GALK2: variants seen among roughly 807,000 people sequenced by gnomAD.
GALK2 encodes the protein N-acetylgalactosamine kinase.
A neutral mutation model predicts 52.4 loss-of-function variants in GALK2; 36 were observed. The observed-to-expected ratio is 0.69, with a 90% CI of 0.53 to 0.91. The LOEUF is 0.91. Ranked by LOEUF, GALK2 falls within the 40% of genes least tolerant of loss-of-function variation. The pLI is 0.00. For synonymous variants in GALK2, 176 were observed against 199.1 expected, an observed-to-expected ratio of 0.88 and a Z score of 0.98; for missense variants, 579 against 559.1, an observed-to-expected ratio of 1.04 and a Z score of -0.36.
intron 3 of GALK2, among the ~76,000 whole-genome samples, chr15:49,350,781 C>G (rs1014114235): frequency 6.6e-6 from 1 of 152,124 alleles, no homozygotes; most frequent in Non-Finnish European, 1.5e-5. Flanking sequence ...ATGACTTTTC[C>G]TTTCCTAACA....
chr15:49,180,627 A>C (rs1314936857), intron 1 of GALK2, among the ~76,000 whole-genome samples: 3 of 152,174 alleles, frequency 2.0e-5, no homozygotes, highest in Non-Finnish European at 4.4e-5. Flanking sequence ...CAGGTTTCTC[A>C]ATATGGCATA....
intron 3 of GALK2, among the ~76,000 whole-genome samples, chr15:49,233,652 T>C (rs7179094): frequency 0.06 from 9,188 of 152,290 alleles, 553 homozygotes; most frequent in African/African-American, 0.15. Context: ...TGCTTTCAAA[T>C]TGTGTGACCT....
intron 3 of GALK2, among the ~76,000 whole-genome samples, chr15:49,228,694 T>TA (rs1321584993): frequency 9.4e-5 from 7 of 74,094 alleles, no homozygotes; most frequent in African/African-American, 3.5e-4. Flanking sequence ...TATATTTTTT[T>TA]TTTTTTTTTT....
At chr15:49,155,821 C>T (rs894956211) in exon 1 of GALK2, 25 of 729,438 alleles carry the variant, frequency 3.4e-5, no homozygotes, top group Non-Finnish European at 5.7e-5. Context: ...GGGACATCGT[C>T]CGGTGCTGCA....
At position 49,292,408 on chromosome 15, in the gene GALK2, G is replaced by C; in HGVS notation, c.838G>C (p.Glu280Gln). The change falls in exon 8 of 10, where the codon GAA becomes CAA. Residue 280 changes from glutamate (E) to glutamine (Q), a missense_variant. Physicochemically the swap from Glu to Gln is conservative, Grantham distance 29. Transcript: ENST00000560031. ...GCAGGCTAAACTAGGGATTAGTCTA[G>C]AAGAAATGCTGTTGGTCACAGAAGA... The part of the protein sequence containing the change: ...EVQAKLGISL[E>Q]EMLLVTEDAL... The C allele has an allele frequency of 6.2e-7, 1 of 1,614,066 alleles. No individual in the cohort carries two copies. Among genetic ancestry groups the C allele is most frequent in the Non-Finnish European group, 8.5e-7 (1 of 1,179,970 alleles).
chr15:49,227,294 T>C (rs1273682589), intron 3 of GALK2, among the ~76,000 whole-genome samples: 1 of 152,206 alleles, frequency 6.6e-6, no homozygotes. Context: ...TTGCTTTATA[T>C]ATCTGGGTGC....
rs574260732 is a variant in GALK2 at position 49,309,370 on chromosome 15, C to T, written c.968-10234C>T. 7.2e-5 allele frequency among the ~76,000 whole-genome samples: 11 copies of T among 152,248 alleles called. 1 individual carries two copies. In the South Asian group the frequency reaches 2.3e-3, roughly 32 times the overall value. On this transcript the variant is annotated intron_variant, in intron 8 of 9. Coordinates refer to ENST00000560031, the MANE Select transcript of GALK2 (RefSeq NM_002044.4). The stretch of plus-strand genomic sequence containing the variant: ...ACAAGAATGCTGACTGATATAATTA[C>T]TAAAAACATAATGATTTCTTATTTC...
At chr15:49,195,113 G>T in intron 1 of GALK2, 1 of 452,246 alleles carries the variant, frequency 2.2e-6, no homozygotes, top group South Asian at 1.6e-5. Context: ...ACCTGTGCTG[G>T]AGGCTAGAGT....
intron 9 of GALK2, among the ~76,000 whole-genome samples, chr15:49,324,073 A>G (rs1320825427): frequency 1.3e-5 from 2 of 152,188 alleles, no homozygotes; most frequent in African/African-American, 4.8e-5. Flanking sequence ...CTCATTCACT[A>G]TTGGTTCCCT....
At chr15:49,303,344 G>T (rs117209225) in intron 8 of GALK2, among the ~76,000 whole-genome samples, 9 of 152,188 alleles carry the variant, frequency 5.9e-5, no homozygotes, top group African/African-American at 2.2e-4. Flanking sequence ...TCTGTAGGAA[G>T]AGCCTAGGAC....
intron 1 of GALK2, chr15:49,178,498 A>G (rs987034562): frequency 3.5e-6 from 1 of 285,444 alleles, no homozygotes; most frequent in South Asian, 4.3e-5. Context: ...CAGGCTTGCC[A>G]TAAGCTGCAC....
chr15:49,349,740 T>C (rs892401542), intron 3 of GALK2, among the ~76,000 whole-genome samples: 5 of 152,164 alleles, frequency 3.3e-5, no homozygotes, highest in African/African-American at 1.2e-4. Context: ...TGACCTCTAC[T>C]GACTTCTGGG....
At chr15:49,279,599 A>G (rs1431916606) in intron 5 of GALK2, among the ~76,000 whole-genome samples, 5 of 152,156 alleles carry the variant, frequency 3.3e-5, no homozygotes, top group Admixed American at 3.3e-4. Flanking sequence ...TTTGAAGGAG[A>G]TAATGCTTAC....
chr15:49,359,691 G>A (rs1246956528), intron 3 of GALK2, among the ~76,000 whole-genome samples: 1 of 137,918 alleles, frequency 7.3e-6, no homozygotes, highest in Middle Eastern at 3.6e-3. Context: ...CGATTCCTCA[G>A]GGATCTAGAA....
intron 1 of GALK2, among the ~76,000 whole-genome samples, chr15:49,189,001 G>T (rs572864374): frequency 6.6e-6 from 1 of 152,276 alleles, no homozygotes. Flanking sequence ...TCTTGTAAGG[G>T]TTAAAACAGA....
chr15:49,192,802 T>A (rs2086868195), intron 1 of GALK2, among the ~76,000 whole-genome samples: 1 of 151,908 alleles, frequency 6.6e-6, no homozygotes, highest in African/African-American at 2.4e-5. Flanking sequence ...TCTTTTCATA[T>A]GTTTAAGGGC....
At chr15:49,167,407 G>A (rs2084856619), upstream of GALK2, among the ~76,000 whole-genome samples, 1 of 152,000 alleles carries the variant, frequency 6.6e-6, no homozygotes, top group African/African-American at 2.4e-5. Context: ...TGCCCAGGCT[G>A]GAGTGCAGTG....
chr15:49,164,406 C>G (rs1228310277), intron 1 of GALK2, among the ~76,000 whole-genome samples: 1 of 150,808 alleles, frequency 6.6e-6, no homozygotes, highest in African/African-American at 2.4e-5. Context: ...AGGTGGGCAA[C>G]ATTGGATGGT....
chr15:49,289,226 A>C (rs1352937217), intron 7 of GALK2, among the ~76,000 whole-genome samples: 2 of 152,188 alleles, frequency 1.3e-5, no homozygotes, highest in Non-Finnish European at 2.9e-5. Flanking sequence ...CCTGGGAAGT[A>C]ATAGGCACTC....
Sources: gnomAD v4.1 joint callset for allele counts (sites outside exome capture counted in the v4.1 genomes callset) on GRCh38, gnomAD v4.1.1 for gene constraint, MANE v1.5 for transcripts, NCBI Gene and HGNC (gene_info 2026-07-23, HGNC 2026-07-21) for gene names.